The following NRG1 variants were observed in gnomAD, a reference collection of about 807,000 sequenced individuals.
NRG1 encodes neuregulin 1, also known as pro-neuregulin-1, membrane-bound isoform.
NRG1 carries 18 observed loss-of-function variants against 63.8 expected under a neutral mutation model. That is an observed-to-expected ratio of 0.28 (90% CI 0.19 to 0.42). The LOEUF (loss-of-function observed/expected upper bound fraction) is 0.42, where lower values mean the gene tolerates loss of function less well. Ranked by LOEUF, NRG1 falls within the 10% of genes least tolerant of loss-of-function variation. NRG1 has a pLI of 1.00. For missense variants in NRG1, 762 were observed against 814.7 expected (o/e 0.94, Z 0.79); for synonymous variants, 302 against 301.3 (o/e 1.00, Z -0.02).
chr8:32,692,516 T>C (rs1412142861), intron 5 of NRG1, among the ~76,000 whole-genome samples: 1 of 152,236 alleles, frequency 6.6e-6, no homozygotes, highest in African/African-American at 2.4e-5. Flanking sequence ...TAATGAAGGC[T>C]TCCTGGAAAA....
intron 1 of NRG1, among the ~76,000 whole-genome samples, chr8:32,452,854 A>G (rs1310116006): frequency 6.6e-6 from 1 of 152,214 alleles, no homozygotes; most frequent in Non-Finnish European, 1.5e-5. Flanking sequence ...CCTTTTAGCT[A>G]TCAATTCCTT....
At chr8:32,069,827 C>G (rs1825486881) in intron 1 of NRG1, among the ~76,000 whole-genome samples, 7 of 152,188 alleles carry the variant, frequency 4.6e-5, no homozygotes, top group Admixed American at 4.6e-4. Flanking sequence ...TTCTAGATCT[C>G]CCTGCAGTGG....
chr8:32,725,544 C>T (rs1321386880), intron 5 of NRG1, among the ~76,000 whole-genome samples: 1 of 133,820 alleles, frequency 7.5e-6, no homozygotes, highest in African/African-American at 2.8e-5. Flanking sequence ...AGTGCAATCT[C>T]GGCTCACTGC....
intron 1 of NRG1, among the ~76,000 whole-genome samples, chr8:32,024,346 G>A (rs950760804): frequency 3.3e-5 from 5 of 152,146 alleles, no homozygotes; most frequent in Admixed American, 2.0e-4. Context: ...CCCAAGCCTT[G>A]GAACTACAGT....
At chr8:32,125,677 T>C (rs1329777504) in intron 1 of NRG1, among the ~76,000 whole-genome samples, 3 of 152,028 alleles carry the variant, frequency 2.0e-5, no homozygotes, top group Non-Finnish European at 2.9e-5. Flanking sequence ...GCTTCCTTGA[T>C]GGAGGACTTT....
rs575872611 is a variant in NRG1, at chr8:32,210,256, A to G, written c.38-385572A>G. On this transcript the variant is annotated intron_variant, in intron 1 of 10. Transcript: ENST00000519301. Reference sequence around the variant, plus strand: ...ATGGGTTATACCTATCATTTTTTTCATATTAGAAATTAAAACTGAGAAATG... The same window carrying G: ...ATGGGTTATACCTATCATTTTTTTCGTATTAGAAATTAAAACTGAGAAATG... Among the ~76,000 whole-genome samples the G allele has an allele frequency of 1.4e-4, 22 of 151,948 alleles. 1 individual carries two copies. The highest frequency in any genetic ancestry group is 5.1e-4 in the African/African-American group (21 of 41,464).
chr8:31,993,848 G>C (rs2129632984), intron 1 of NRG1, among the ~76,000 whole-genome samples: 1 of 152,144 alleles, frequency 6.6e-6, no homozygotes, highest in African/African-American at 2.4e-5. Flanking sequence ...TCATCTTGAA[G>C]TCTAGCCTGA....
intron 1 of NRG1, among the ~76,000 whole-genome samples, chr8:32,488,993 TA>T (rs750240996): frequency 1.3e-5 from 2 of 152,128 alleles, no homozygotes; most frequent in Non-Finnish European, 2.9e-5. Flanking sequence ...GAAAGTTTAT[TA>T]AAAAGCTTTA....
At chr8:32,543,897 GA>G (rs1425349167), upstream of NRG1, among the ~76,000 whole-genome samples, 2 of 152,154 alleles carry the variant, frequency 1.3e-5, no homozygotes, top group Non-Finnish European at 2.9e-5. Context: ...TTGCTGGTCA[GA>G]AGTGCTTTGC....
chr8:32,140,020 A>G (rs1307388042), intron 1 of NRG1, among the ~76,000 whole-genome samples: 1 of 152,130 alleles, frequency 6.6e-6, no homozygotes, highest in Non-Finnish European at 1.5e-5. Context: ...TGGAATAGTA[A>G]GGCTTCTTCC....
upstream of NRG1, among the ~76,000 whole-genome samples, chr8:32,543,822 T>TA (rs540897632): frequency 3.4e-4 from 52 of 152,338 alleles, no homozygotes; most frequent in Non-Finnish European, 6.2e-4. Flanking sequence ...AGACAATGAC[T>TA]AATTAGTAAT....
At chr8:32,706,827 C>G (rs887772142) in intron 5 of NRG1, among the ~76,000 whole-genome samples, 1 of 151,988 alleles carries the variant, frequency 6.6e-6, no homozygotes, top group Admixed American at 6.6e-5. Context: ...TATACTTTGA[C>G]TCTGTTGGTC....
chr8:32,269,584 T>C (rs932991015), intron 1 of NRG1, among the ~76,000 whole-genome samples: 4 of 152,080 alleles, frequency 2.6e-5, no homozygotes, highest in Non-Finnish European at 5.9e-5. Flanking sequence ...GACTGGGAAA[T>C]TCCAGAATTC....
chr8:32,227,347 G>T (rs1291493888), intron 1 of NRG1, among the ~76,000 whole-genome samples: 1 of 152,024 alleles, frequency 6.6e-6, no homozygotes, highest in Non-Finnish European at 1.5e-5. Context: ...CATTAAAAAA[G>T]CAGGAATTCC....
chr8:32,324,728 G>A (rs901085717), intron 1 of NRG1, among the ~76,000 whole-genome samples: 1 of 152,144 alleles, frequency 6.6e-6, no homozygotes, highest in Non-Finnish European at 1.5e-5. Flanking sequence ...GTTCTCAATA[G>A]TTTTAGAAGA....
At chr8:32,684,620 T>C (rs1226094212) in intron 5 of NRG1, among the ~76,000 whole-genome samples, 1 of 152,184 alleles carries the variant, frequency 6.6e-6, no homozygotes, top group African/African-American at 2.4e-5. Context: ...AACAGTCCTA[T>C]AATATCATTC....
At chr8:31,709,037 C>G (rs1373140946) in intron 1 of NRG1, among the ~76,000 whole-genome samples, 1 of 152,054 alleles carries the variant, frequency 6.6e-6, no homozygotes, top group East Asian at 1.9e-4. Context: ...TATTTCTAGT[C>G]TGCACAGCAA....
At chr8:31,989,115 G>A (rs535873138) in intron 1 of NRG1, among the ~76,000 whole-genome samples, 27 of 151,498 alleles carry the variant, frequency 1.8e-4, no homozygotes, top group African/African-American at 6.3e-4. Flanking sequence ...TGGACATGGT[G>A]GTGTGCGCCT....
At chr8:32,130,311 G>A (rs1005888171) in intron 1 of NRG1, among the ~76,000 whole-genome samples, 4 of 151,888 alleles carry the variant, frequency 2.6e-5, no homozygotes, top group African/African-American at 4.8e-5. Flanking sequence ...CTAGCATTCA[G>A]CAGTGCTAAA....
Sources: gnomAD v4.1 joint callset for allele counts (sites outside exome capture counted in the v4.1 genomes callset) on GRCh38, gnomAD v4.1.1 for gene constraint, MANE v1.5 for transcripts, NCBI Gene and HGNC (gene_info 2026-07-23, HGNC 2026-07-21) for gene names.